SNCAIP: variants seen among roughly 807,000 people sequenced by gnomAD.
SNCAIP encodes the protein synuclein alpha interacting protein.
A neutral mutation model predicts 86.7 loss-of-function variants in SNCAIP; 43 were observed. That is an observed-to-expected ratio of 0.50 (90% CI 0.39 to 0.64). SNCAIP has a LOEUF of 0.64. Among genes scored for constraint, SNCAIP ranks in the 30% least tolerant of loss-of-function variants. The probability of loss-of-function intolerance (pLI) is 0.00; values close to 1 mark genes in which losing one functional copy is unlikely to be tolerated. For synonymous variants in SNCAIP, 417 were observed against 427.2 expected, an observed-to-expected ratio of 0.98 and a Z score of 0.29; for missense variants, 981 against 1,103.1, an observed-to-expected ratio of 0.89 and a Z score of 1.57.
intron 3 of SNCAIP, among the ~76,000 whole-genome samples, chr5:122,414,201 G>A (rs780342228): frequency 6.6e-5 from 10 of 151,322 alleles, no homozygotes; most frequent in African/African-American, 9.7e-5. Context: ...GAGCCAGTGC[G>A]CCCAGCCAAG....
chr5:122,347,175 C>T (rs1376412828), intron 1 of SNCAIP, among the ~76,000 whole-genome samples: 2 of 152,008 alleles, frequency 1.3e-5, no homozygotes, highest in East Asian at 3.9e-4. Flanking sequence ...GTGTTATTTG[C>T]CTGACTTTAT....
intron 8 of SNCAIP, among the ~76,000 whole-genome samples, chr5:122,449,558 ATAGC>A: frequency 6.6e-6 from 1 of 152,326 alleles, no homozygotes; most frequent in Middle Eastern, 3.4e-3. Flanking sequence ...TATCATTTTA[ATAGC>A]TGTCATTATA....
intron 1 of SNCAIP, among the ~76,000 whole-genome samples, chr5:122,390,132 A>C (rs1172179285): frequency 6.6e-6 from 1 of 152,172 alleles, no homozygotes; most frequent in Non-Finnish European, 1.5e-5. Context: ...GGGCAAAATG[A>C]ATTATTTCAG....
Position 122,463,617 on chromosome 5 carries a change from T to C in SNCAIP, c.*121T>C, listed in dbSNP as rs749260609. On this transcript the variant is annotated 3_prime_UTR_variant, in exon 11 of 11. Coordinates refer to ENST00000261368, the MANE Select transcript of SNCAIP (RefSeq NM_005460.4). ...TCTCTCACTGATGCCCTTTGGAAAT[T>C]ATTGGAAATTTCTGGACTATCCTCT... 1 of 1,083,452 alleles carries C rather than the reference T, an allele frequency of 9.2e-7. No homozygotes were observed. Among genetic ancestry groups the C allele is most frequent in the South Asian group, 1.4e-5 (1 of 73,778 alleles). The allele number at this position is 1,083,452 out of a possible 1,614,324, so 67.1% of individuals were successfully genotyped here.
At chr5:122,372,665 C>T (rs1422433007) in intron 1 of SNCAIP, among the ~76,000 whole-genome samples, 2 of 152,158 alleles carry the variant, frequency 1.3e-5, no homozygotes, top group Non-Finnish European at 2.9e-5. Context: ...TCCCTAGCCT[C>T]TTGTGCTGTA....
intron 3 of SNCAIP, among the ~76,000 whole-genome samples, chr5:122,406,874 C>T (rs761664864): frequency 6.6e-6 from 1 of 152,118 alleles, no homozygotes; most frequent in Non-Finnish European, 1.5e-5. Flanking sequence ...ATATGATACC[C>T]CACGAGACAA....
intron 1 of SNCAIP, among the ~76,000 whole-genome samples, chr5:122,322,288 A>G (rs917797291): frequency 3.9e-5 from 6 of 152,268 alleles, no homozygotes; most frequent in African/African-American, 1.4e-4. Context: ...ACCCCCAAAG[A>G]TAAGTGTCAC....
At position 122,429,915 on chromosome 5, in the gene SNCAIP, G is replaced by A. The variant is rs867266319; in HGVS notation, c.1183-2054G>A. Among the ~76,000 whole-genome samples the A allele has an allele frequency of 3.3e-5, 5 of 152,108 alleles. No homozygotes were observed. In the South Asian group the frequency reaches 6.2e-4, roughly 19 times the overall value. ...TTTGGGCTTTTTAAGGGACTCAGAT[G>A]GCCAATGGCAACCCCATAGAGAGGG... is the stretch of plus-strand genomic sequence containing the variant. On this transcript the variant is annotated intron_variant, in intron 5 of 10. Transcript: ENST00000261368.
chr5:122,358,688 C>A (rs1219083436), intron 1 of SNCAIP, among the ~76,000 whole-genome samples: 1 of 151,994 alleles, frequency 6.6e-6, no homozygotes, highest in Non-Finnish European at 1.5e-5. Flanking sequence ...GCGCTATTTT[C>A]CTGAGTTTAC....
intron 10 of SNCAIP, among the ~76,000 whole-genome samples, chr5:122,460,993 T>C (rs1448585218): frequency 1.3e-5 from 2 of 152,192 alleles, no homozygotes; most frequent in Non-Finnish European, 2.9e-5. Context: ...TGAACCTGTC[T>C]TTTCCTTTCT....
At chr5:122,357,836 G>T (rs1761356256) in intron 1 of SNCAIP, among the ~76,000 whole-genome samples, 2 of 152,046 alleles carry the variant, frequency 1.3e-5, no homozygotes, top group Admixed American at 6.6e-5. Flanking sequence ...GCCACATGTG[G>T]CTACTTGCTA....
At chr5:122,388,334 C>G (rs920577918) in intron 1 of SNCAIP, among the ~76,000 whole-genome samples, 16 of 152,252 alleles carry the variant, frequency 1.1e-4, no homozygotes, top group African/African-American at 3.4e-4. Flanking sequence ...AGCTCACAGG[C>G]CTCCAATGCA....
chr5:122,322,850 T>C (rs1753244971), intron 1 of SNCAIP, among the ~76,000 whole-genome samples: 1 of 152,216 alleles, frequency 6.6e-6, no homozygotes. Flanking sequence ...AAATAGAATT[T>C]TGCATCTGTT....
intron 5 of SNCAIP, among the ~76,000 whole-genome samples, chr5:122,426,162 T>C (rs1777332453): frequency 6.6e-6 from 1 of 152,230 alleles, no homozygotes; most frequent in South Asian, 2.1e-4. Context: ...AGCACATCAC[T>C]AGAAGATTAG....
rs1369969419 is a variant in SNCAIP, at chr5:122,463,712, T to G, written c.*216T>G. The G allele has an allele frequency of 5.2e-6, 3 of 575,412 alleles. No individual in the cohort carries two copies. In the South Asian group the frequency reaches 7.1e-5, roughly 14 times the overall value. The allele number at this position is 575,412 out of a possible 1,614,324, so 35.6% of individuals were successfully genotyped here. Reference sequence around the variant, plus strand: ...AGAATATCAGGATGCCTTAAATTTATAGTAGTAGACTGTAAAAGATTCATT... The same window carrying G: ...AGAATATCAGGATGCCTTAAATTTAGAGTAGTAGACTGTAAAAGATTCATT... On this transcript the variant is annotated 3_prime_UTR_variant, in exon 11 of 11. Coordinates refer to ENST00000261368, the MANE Select transcript of SNCAIP (RefSeq NM_005460.4).
intron 1 of SNCAIP, among the ~76,000 whole-genome samples, chr5:122,363,918 G>A: frequency 6.6e-6 from 1 of 151,924 alleles, no homozygotes. Flanking sequence ...AAACTCCTGG[G>A]TTCAAGCAAT....
chr5:122,335,706 C>T (rs1280713176), intron 1 of SNCAIP, among the ~76,000 whole-genome samples: 1 of 152,188 alleles, frequency 6.6e-6, no homozygotes, highest in Non-Finnish European at 1.5e-5. Context: ...AAAGCCTCAG[C>T]CAACCCATGG....
At chr5:122,449,460 T>C (rs1733428168) in intron 8 of SNCAIP, among the ~76,000 whole-genome samples, 1 of 152,160 alleles carries the variant, frequency 6.6e-6, no homozygotes, top group Admixed American at 6.5e-5. Flanking sequence ...TATATACATA[T>C]TTATATATAT....
chr5:122,441,708 T>A (rs1204596372), intron 7 of SNCAIP, among the ~76,000 whole-genome samples: 1 of 152,122 alleles, frequency 6.6e-6, no homozygotes, highest in African/African-American at 2.4e-5. Context: ...AAGACCCAAT[T>A]GATCTTTCCA....
Sources: allele counts gnomAD v4.1 joint callset (sites outside exome capture counted in the v4.1 genomes callset), GRCh38; gene constraint gnomAD v4.1.1; transcripts MANE v1.5; gene names NCBI Gene and HGNC (gene_info 2026-07-23, HGNC 2026-07-21).